The following ZNF585A variants were observed in gnomAD, a reference collection of about 807,000 sequenced individuals.
ZNF585A encodes zinc finger protein 585A.
A neutral mutation model predicts 14.9 loss-of-function variants in ZNF585A; 9 were observed. The ratio of observed to expected loss-of-function variants is 0.60; its 90% CI spans 0.36 to 1.05. The LOEUF (loss-of-function observed/expected upper bound fraction) is 1.05, where lower values mean the gene tolerates loss of function less well. Ranked by LOEUF, ZNF585A falls within the 50% of genes least tolerant of loss-of-function variation. ZNF585A has a pLI of 0.01. For missense variants in ZNF585A, 726 were observed against 926.4 expected (o/e 0.78, Z 2.81); for synonymous variants, 276 against 319.9 (o/e 0.86, Z 1.46).
Position 37,152,561 on chromosome 19 carries a change from C to T in ZNF585A, c.1338G>A (p.Leu446=), listed in dbSNP as rs746142387. 1 of 1,614,046 alleles carries T rather than the reference C, an allele frequency of 6.2e-7. No individual in the cohort carries two copies. The highest frequency in any genetic ancestry group is 2.2e-5 in the East Asian group (1 of 44,862). ...KPHKCGHCGK[L]FTSKSQLHVH... is the part of the protein sequence containing the mutation. ...CATGGAGTTGCGACTTGGAGGTAAA[C>T]AATTTCCCACAGTGACCACATTTAT... is the stretch of plus-strand genomic sequence containing the variant. The change falls in exon 5 of 5, where the codon TTG becomes TTA. Residue 446 remains leucine (L), a synonymous_variant. Coordinates refer to ENST00000292841, the MANE Select transcript of ZNF585A (RefSeq NM_001288800.2).
chr19:37,156,170 T>A, intron 3 of ZNF585A, 59 bp downstream of exon 3: 5 of 1,597,968 alleles, frequency 3.1e-6, no homozygotes, highest in Non-Finnish European at 4.3e-6. Context: ...ATTCACCAAC[T>A]GAGAATGAAA....
At position 37,152,783 on chromosome 19, in the gene ZNF585A, A is replaced by G; in HGVS notation, c.1116T>C (p.His372=). ...GTTTCTCTCCAGTGTGAATTCTCTG[A>G]TGAATAATCAACTCTGACCTGTAGG... ...AFTYRSELII[H]QRIHTGEKPY... is the part of the protein sequence containing the mutation. The change falls in exon 5 of 5, where the codon CAT becomes CAC. Residue 372 remains histidine (H), a synonymous_variant. Coordinates refer to ENST00000292841, the MANE Select transcript of ZNF585A (RefSeq NM_001288800.2). The G allele has an allele frequency of 1.2e-6, 2 of 1,614,218 alleles. No homozygotes were observed. The highest frequency in any genetic ancestry group is 1.7e-6 in the Non-Finnish European group (2 of 1,180,038).
intron 4 of ZNF585A, among the ~76,000 whole-genome samples, chr19:37,155,234 C>T (rs576429418): frequency 1.2e-3 from 178 of 151,696 alleles, no homozygotes; most frequent in African/African-American, 4.2e-3. Flanking sequence ...ATGATCTGCC[C>T]GCCTCGGCCT....
At chr19:37,155,635 A>G (rs1353595362) in intron 4 of ZNF585A, among the ~76,000 whole-genome samples, 1 of 151,992 alleles carries the variant, frequency 6.6e-6, no homozygotes, top group Non-Finnish European at 1.5e-5. Context: ...AGCCTGGGCA[A>G]CACAGCCCCG....
At chr19:37,169,365 G>A (rs567516199) in intron 2 of ZNF585A, among the ~76,000 whole-genome samples, 174 of 143,972 alleles carry the variant, frequency 1.2e-3, no homozygotes, top group African/African-American at 4.1e-3. Context: ...TCCTGAAAAA[G>A]AGAGCAGCAA....
chr19:37,145,688 T>C lies in ZNF585A; in HGVS notation c.*5901A>G, dbSNP rs958617126. 6.6e-6 allele frequency: 1 copy of C among 152,202 alleles called. No homozygotes were observed. Among genetic ancestry groups the C allele is most frequent in the African/African-American group, 2.4e-5 (1 of 41,456 alleles). 9.4% of individuals were successfully genotyped at this position (152,202 alleles called of 1,614,324 possible). ...GCAGCATTCCTTGTTATAATAAATA[T>C]TAAAATAACACCATAATAAAATCAC... On this transcript the variant is annotated 3_prime_UTR_variant, in exon 5 of 5. Transcript: ENST00000292841.
At chr19:37,163,739 A>G (rs892575959) in intron 2 of ZNF585A, among the ~76,000 whole-genome samples, 1 of 80,892 alleles carries the variant, frequency 1.2e-5, no homozygotes, top group Admixed American at 1.4e-4. Context: ...CATAAAGATG[A>G]CACACACACA....
At position 37,152,163 on chromosome 19, in the gene ZNF585A, A is replaced by G. The variant is rs1413748873; in HGVS notation, c.1736T>C (p.Val579Ala). 1.9e-6 allele frequency: 3 copies of G among 1,608,322 alleles called. No individual in the cohort carries two copies. The highest frequency in any genetic ancestry group is 3.4e-5 in the Admixed American group (2 of 59,608). ...QKIHTGEKPYVCTECGRAFIR... is the reference protein window; with the variant it reads ...QKIHTGEKPYACTECGRAFIR... The stretch of plus-strand genomic sequence containing the variant: ...GAAAGCTCTTCCACACTCAGTGCAT[A>G]CATAGGGTTTCTCTCCTGTATGAAT... Residue 579 changes from valine to alanine, a missense_variant, in exon 5 of 5, where the codon GTA becomes GCA. By Grantham distance (64) the Val-to-Ala change is moderately conservative. Transcript: ENST00000292841.
chr19:37,155,657 G>A (rs1434967662), intron 4 of ZNF585A, among the ~76,000 whole-genome samples: 1 of 152,012 alleles, frequency 6.6e-6, no homozygotes, highest in African/African-American at 2.4e-5. Flanking sequence ...CTGCGACCCA[G>A]GCTGTGACAA....
chr19:37,155,393 G>C (rs1437796681), intron 4 of ZNF585A, among the ~76,000 whole-genome samples: 1 of 151,732 alleles, frequency 6.6e-6, no homozygotes, highest in Non-Finnish European at 1.5e-5. Context: ...GCTCATGCCT[G>C]TAATCCCAGC....
rs541444495 is a variant in ZNF585A, at chr19:37,166,146, T to C, written c.72+3693A>G. Among the ~76,000 whole-genome samples, 424 of 152,070 alleles carry C rather than the reference T, an allele frequency of 2.8e-3. 3 individuals carry two copies. The highest frequency in any genetic ancestry group is 9.8e-3 in the African/African-American group (407 of 41,492). On this transcript the variant is annotated intron_variant, in intron 2 of 4. Transcript: ENST00000292841. ...CTCCTGCCTCAGCCTCCCAAGTACC[T>C]GGGATTACAGACCTGCACTGTGGCA...
In ZNF585A at chr19:37,152,762, C is replaced by T; in HGVS notation, c.1137G>A (p.Glu379=). The part of the protein sequence containing the change: ...LIIHQRIHTG[E]KPYECSDCGK... The stretch of plus-strand genomic sequence containing the variant: ...CACAGTCACTGCATTCATAAGGTTT[C>T]TCTCCAGTGTGAATTCTCTGATGAA... The change falls in exon 5 of 5, where the codon GAG becomes GAA. Residue 379 remains glutamate, a synonymous_variant. Coordinates refer to ENST00000292841, the MANE Select transcript of ZNF585A (RefSeq NM_001288800.2). 6.2e-7 allele frequency: 1 copy of T among 1,614,232 alleles called. No individual in the cohort carries two copies. Among genetic ancestry groups the T allele is most frequent in the South Asian group, 1.1e-5 (1 of 91,082 alleles).
intron 2 of ZNF585A, 67 bp downstream of exon 2, chr19:37,169,772 T>A: frequency 6.3e-7 from 1 of 1,587,546 alleles, no homozygotes; most frequent in Non-Finnish European, 8.6e-7. Context: ...CATGAGGTTC[T>A]AGTGACAGAC....
At chr19:37,171,813 G>T (rs1482277571) in intron 1 of ZNF585A, among the ~76,000 whole-genome samples, 1 of 151,814 alleles carries the variant, frequency 6.6e-6, no homozygotes, top group Non-Finnish European at 1.5e-5. Flanking sequence ...TGAGGCAGGA[G>T]AATCCGTTGA....
intron 2 of ZNF585A, among the ~76,000 whole-genome samples, chr19:37,167,779 C>T (rs28660259): frequency 0.16 from 23,871 of 151,868 alleles, 2,017 homozygotes; most frequent in African/African-American, 0.22. Flanking sequence ...TGGCACCACG[C>T]ACGGCTTATT....
Position 37,146,823 on chromosome 19 carries a change from A to C in ZNF585A, c.*4766T>G, listed in dbSNP as rs1971749354. On this transcript the variant is annotated 3_prime_UTR_variant, in exon 5 of 5. Coordinates refer to ENST00000292841, the MANE Select transcript of ZNF585A (RefSeq NM_001288800.2). ...CTTGTAAACAGTGTGGAATGTATGT[A>C]GGTAGGATACTCAGTTTGGTACTGC... 1 of 152,188 alleles carries C rather than the reference A, an allele frequency of 6.6e-6. No homozygotes were observed. The highest frequency in any genetic ancestry group is 2.4e-5 in the African/African-American group (1 of 41,356). The allele number at this position is 152,188 out of a possible 1,614,324, so 9.4% of individuals were successfully genotyped here.
chr19:37,147,672 T>C lies in ZNF585A; in HGVS notation c.*3917A>G, dbSNP rs954669519. On this transcript the variant is annotated 3_prime_UTR_variant, in exon 5 of 5. Coordinates refer to ENST00000292841, the MANE Select transcript of ZNF585A (RefSeq NM_001288800.2). ...CAGTAATAAATATTACAATATGCTA[T>C]ATAACATACTGTAGACACAATTTTC... The C allele has an allele frequency of 4.6e-5, 7 of 152,220 alleles. No homozygotes were observed. The highest frequency in any genetic ancestry group is 4.1e-4 in the South Asian group (2 of 4,836). The allele number at this position is 152,220 out of a possible 1,614,324, so 9.4% of individuals were successfully genotyped here.
At chr19:37,167,415 C>T (rs1239315139) in intron 2 of ZNF585A, among the ~76,000 whole-genome samples, 2 of 152,020 alleles carry the variant, frequency 1.3e-5, no homozygotes, top group Non-Finnish European at 2.9e-5. Context: ...CCTCATGATT[C>T]GCCCACATTG....
Position 37,151,818 on chromosome 19 carries a change from T to G in ZNF585A, c.2081A>C (p.Asp694Ala). 6.2e-7 allele frequency: 1 copy of G among 1,612,586 alleles called. No individual in the cohort carries two copies. Among genetic ancestry groups the G allele is most frequent in the Non-Finnish European group, 8.5e-7 (1 of 1,179,188 alleles). The stretch of plus-strand genomic sequence containing the variant: ...TTTTTTAGTGAAAGACTTCCCACAG[T>G]CACTGCACTCATAAGGTTTCTCTCC... Reference protein sequence around the residue: ...HTGEKPYECSDCGKSFTKKSQ... With the variant: ...HTGEKPYECSACGKSFTKKSQ... Residue 694 changes from aspartate to alanine, a missense_variant, in exon 5 of 5, where the codon GAC (aspartate) becomes GCC (alanine). Coordinates refer to ENST00000292841, the MANE Select transcript of ZNF585A (RefSeq NM_001288800.2).
Sources: allele counts gnomAD v4.1 joint callset (sites outside exome capture counted in the v4.1 genomes callset), GRCh38; gene constraint gnomAD v4.1.1; transcripts MANE v1.5; gene names NCBI Gene and HGNC (gene_info 2026-07-23, HGNC 2026-07-21).